Variants in SYNE2 observed in about 807,000 individuals in gnomAD.
SYNE2 encodes the protein nesprin-2.
Under a neutral mutation model 856.3 loss-of-function variants are expected in SYNE2, and 431 were observed. The observed-to-expected ratio is 0.50, with a 90% confidence interval of 0.47 to 0.55. SYNE2 has a LOEUF of 0.55. Among genes scored for constraint, SYNE2 ranks in the 20% least tolerant of loss-of-function variants. The pLI is 0.00. For missense variants in SYNE2, 8,129 were observed against 8,023.2 expected, an observed-to-expected ratio of 1.01 and a Z score of -0.50; for synonymous variants, 2,923 against 2,872.3, an observed-to-expected ratio of 1.02 and a Z score of -0.56.
At chr14:64,069,617 C>T (rs192414598) in intron 51 of SYNE2, among the ~76,000 whole-genome samples, 6 of 152,292 alleles carry the variant, frequency 3.9e-5, no homozygotes, top group African/African-American at 7.2e-5. Flanking sequence ...TATACTGCCT[C>T]CTAGACCCCA....
chr14:63,785,890 GAGCCCAGGAGTTCAAGACC>G (rs1887504719), intron 1 of SYNE2, among the ~76,000 whole-genome samples: 1 of 152,092 alleles, frequency 6.6e-6, no homozygotes, highest in Non-Finnish European at 1.5e-5. Flanking sequence ...AGGACCAATC[GAGCCCAGGAGTTCAAGACC>G]AGCCTGGGCA....
chr14:64,181,110 T>C (rs995663738), intron 96 of SYNE2, among the ~76,000 whole-genome samples: 2 of 152,158 alleles, frequency 1.3e-5, no homozygotes, highest in Non-Finnish European at 1.5e-5. Context: ...CTTTTTTTTT[T>C]CCTATTTTTC....
At chr14:63,797,135 C>T (rs543970174) in intron 1 of SYNE2, among the ~76,000 whole-genome samples, 8 of 149,534 alleles carry the variant, frequency 5.3e-5, no homozygotes, top group Non-Finnish European at 8.9e-5. Flanking sequence ...ATAGGCTGGA[C>T]GTGGTGGCTC....
intron 31 of SYNE2, 100 bp from the exon 32 acceptor site, chr14:64,009,866 C>G: frequency 3.7e-6 from 4 of 1,086,444 alleles, no homozygotes; most frequent in Non-Finnish European, 5.5e-6. Context: ...AGGAAAAGTC[C>G]TTTACACCTT....
intron 84 of SYNE2, 73 bp from the exon 85 acceptor site, chr14:64,152,491 C>T: frequency 2.0e-6 from 3 of 1,485,270 alleles, no homozygotes; most frequent in Non-Finnish European, 2.8e-6. Context: ...AAAGAGTGAA[C>T]TCCTGTCTCT....
At position 64,215,303 on chromosome 14, in the gene SYNE2, A is replaced by T. The variant is rs1053098555; in HGVS notation, c.19351A>T (p.Asn6451Tyr). 6.2e-7 allele frequency: 1 copy of T among 1,614,186 alleles called. No homozygotes were observed. Among genetic ancestry groups the T allele is most frequent in the Admixed American group, 1.7e-5 (1 of 60,028 alleles). The change falls in exon 107 of 116, where the codon AAT becomes TAT. Residue 6451 changes from asparagine to tyrosine, a missense_variant. Physicochemically the swap from Asn to Tyr is moderately radical, Grantham distance 143 (BLOSUM62 -2). Transcript: ENST00000555002. ...SALSDVEIPE[N>Y]PEAYLKMTTK... is the part of the protein sequence containing the mutation. ...TTTTTCAGATGTAGAAATCCCTGAA[A>T]ATCCTGAGGCATATCTTAAAATGAC...
At position 64,001,959 on chromosome 14, in the gene SYNE2, C is replaced by A; in HGVS notation, c.3664C>A (p.Arg1222=). 1 of 1,614,066 alleles carries A rather than the reference C, an allele frequency of 6.2e-7. No homozygotes were observed. Among genetic ancestry groups the A allele is most frequent in the Non-Finnish European group, 8.5e-7 (1 of 1,179,990 alleles). Residue 1222 remains arginine, a synonymous_variant, in exon 29 of 116, where the codon CGG becomes AGG. Coordinates refer to ENST00000555002, the MANE Select transcript of SYNE2 (RefSeq NM_182914.3). ...TRMESLETAL[R]LVLPVEKASL... ...AATGGAATCTTTAGAGACAGCACTG[C>A]GGCTTGTGTTACCTGTAGAGAAGGC...
At chr14:63,913,392 A>C (rs17101437) in intron 2 of SYNE2, among the ~76,000 whole-genome samples, 1 of 151,978 alleles carries the variant, frequency 6.6e-6, no homozygotes, top group South Asian at 2.1e-4. Context: ...AGTGCATTCT[A>C]TATTACTCTG....
intron 1 of SYNE2, among the ~76,000 whole-genome samples, chr14:63,875,592 A>G (rs1340899628): frequency 6.6e-6 from 1 of 152,112 alleles, no homozygotes; most frequent in East Asian, 1.9e-4. Flanking sequence ...CCTTTATGGG[A>G]CACTGAGCAA....
chr14:64,115,121 T>TCTA (rs1025874879), intron 66 of SYNE2, among the ~76,000 whole-genome samples: 6 of 152,208 alleles, frequency 3.9e-5, no homozygotes, highest in Non-Finnish European at 8.8e-5. Flanking sequence ...CAACTGATTA[T>TCTA]CTACTGACTG....
intron 1 of SYNE2, among the ~76,000 whole-genome samples, chr14:63,767,352 C>T (rs972728349): frequency 2.6e-5 from 4 of 151,976 alleles, no homozygotes; most frequent in Admixed American, 6.6e-5. Flanking sequence ...TCAAGTAATC[C>T]GCCCACGTCT....
chr14:63,934,649 C>G (rs1015027538), intron 2 of SYNE2, among the ~76,000 whole-genome samples: 4 of 151,994 alleles, frequency 2.6e-5, no homozygotes, highest in African/African-American at 7.3e-5. Context: ...CTCAGTTTCA[C>G]GCTGCATTTC....
rs539246399 is a variant in SYNE2 at position 64,003,010 on chromosome 14, A to G, written c.4077A>G (p.Thr1359=). 13 of 1,614,226 alleles carry G rather than the reference A, an allele frequency of 8.1e-6. No individual in the cohort carries two copies. The highest frequency in any genetic ancestry group is 7.7e-5 in the South Asian group (7 of 91,084). Residue 1359 remains threonine (T), a synonymous_variant, in exon 30 of 116, where the codon ACA becomes ACG. Coordinates refer to ENST00000555002, the MANE Select transcript of SYNE2 (RefSeq NM_182914.3). ...AGGTGGCACAAGAAAATACGTTGAC[A>G]GTAAAAAATAAAGAGGGAGAAATTC... ...DTQVAQENTL[T]VKNKEGEIHL...
chr14:63,959,827 T>A (rs1402460828), intron 8 of SYNE2, among the ~76,000 whole-genome samples: 1 of 152,186 alleles, frequency 6.6e-6, no homozygotes, highest in Non-Finnish European at 1.5e-5. Flanking sequence ...ATTATGATTC[T>A]CCAAATCTTT....
At chr14:63,924,458 C>A (rs1455057300) in intron 2 of SYNE2, among the ~76,000 whole-genome samples, 2 of 152,000 alleles carry the variant, frequency 1.3e-5, no homozygotes, top group East Asian at 1.9e-4. Flanking sequence ...GAAAGTATTG[C>A]CATCTTAACA....
intron 49 of SYNE2, among the ~76,000 whole-genome samples, chr14:64,061,202 A>G (rs1595224170): frequency 1.3e-5 from 2 of 152,232 alleles, no homozygotes; most frequent in African/African-American, 2.4e-5. Context: ...CTATTCAGCC[A>G]TCTTGCTCCT....
At chr14:63,799,527 C>T (rs1026467803) in intron 1 of SYNE2, among the ~76,000 whole-genome samples, 1 of 150,980 alleles carries the variant, frequency 6.6e-6, no homozygotes, top group Non-Finnish European at 1.5e-5. Context: ...CCCGTCTCTA[C>T]TAAAAAAACA....
At chr14:64,214,508 G>T (rs146027464) in intron 106 of SYNE2, 38 bp downstream of exon 106, 1 of 1,575,522 alleles carries the variant, frequency 6.3e-7, no homozygotes, top group Non-Finnish European at 8.6e-7. Flanking sequence ...AAAGTGACCC[G>T]TTTGGCTATG....
chr14:63,953,846 C>T (rs1348252386), intron 7 of SYNE2, among the ~76,000 whole-genome samples: 1 of 152,166 alleles, frequency 6.6e-6, no homozygotes, highest in African/African-American at 2.4e-5. Flanking sequence ...TGGTATTTGT[C>T]CTTTTGTGAC....
Sources: allele counts gnomAD v4.1 joint callset (sites outside exome capture counted in the v4.1 genomes callset), GRCh38; gene constraint gnomAD v4.1.1; transcripts MANE v1.5; gene names NCBI Gene and HGNC (gene_info 2026-07-23, HGNC 2026-07-21).